MRC2: variants seen among roughly 807,000 people sequenced by gnomAD.
MRC2 encodes the protein mannose receptor C-type 2, also known as C-type mannose receptor 2.
A neutral mutation model predicts 206.2 loss-of-function variants in MRC2; 84 were observed. The ratio of observed to expected loss-of-function variants is 0.41; its 90% CI spans 0.34 to 0.49. The LOEUF is 0.49. MRC2 is among the 20% of genes least tolerant of loss of function. MRC2 has a pLI of 0.31. For synonymous variants in MRC2, 798 were observed against 800.0 expected (o/e 1.00, Z 0.04); for missense variants, 1,676 against 2,001.5 (o/e 0.84, Z 3.10).
Position 62,679,824 on chromosome 17 carries a change from G to A in MRC2, c.2220G>A (p.Glu740=), listed in dbSNP as rs2088938327. 6.2e-7 allele frequency: 1 copy of A among 1,614,028 alleles called. No homozygotes were observed. The highest frequency in any genetic ancestry group is 8.5e-7 in the Non-Finnish European group (1 of 1,180,004). Reference sequence around the variant, plus strand: ...GTGAATCAGAACCCGAGATCCACGAGCAGCACTGGTTCTGGATCGGCCTGA... The same window carrying A: ...GTGAATCAGAACCCGAGATCCACGAACAGCACTGGTTCTGGATCGGCCTGA... The part of the protein sequence containing the change: ...IFGESEPEIH[E]QHWFWIGLNR... Residue 740 remains glutamate (E), a synonymous_variant, in exon 14 of 30, where the codon GAG becomes GAA. Coordinates refer to ENST00000303375, the MANE Select transcript of MRC2 (RefSeq NM_006039.5).
chr17:62,634,174 C>T (rs2088282390), intron 1 of MRC2, among the ~76,000 whole-genome samples: 1 of 152,120 alleles, frequency 6.6e-6, no homozygotes, highest in Admixed American at 6.6e-5. Context: ...CCTTTTTAGA[C>T]CCTATAAGGT....
At chr17:62,635,181 C>G (rs1200984109) in intron 1 of MRC2, among the ~76,000 whole-genome samples, 1 of 135,818 alleles carries the variant, frequency 7.4e-6, no homozygotes, top group Non-Finnish European at 1.5e-5. Context: ...TACTTCATTG[C>G]TATTTTTCTC....
At position 62,672,613 on chromosome 17, in the gene MRC2, C is replaced by T. The variant is rs781280440; in HGVS notation, c.1461+461C>T. Reference sequence around the variant, plus strand: ...CTCAAGAGATTGTTGGGTTTTATGACAATTTGCCATGGTTTGGGCTTAGAT... The same window carrying T: ...CTCAAGAGATTGTTGGGTTTTATGATAATTTGCCATGGTTTGGGCTTAGAT... On this transcript the variant is annotated intron_variant, in intron 8 of 29. Transcript: ENST00000303375. This position sits in a 1 kb window ranked among gnomAD's most constrained non-coding sequence, Gnocchi z 4.5. 2.0e-5 allele frequency among the ~76,000 whole-genome samples: 3 copies of T among 152,128 alleles called. No individual in the cohort carries two copies. Among genetic ancestry groups the T allele is most frequent in the Non-Finnish European group, 2.9e-5 (2 of 68,024 alleles).
intron 1 of MRC2, among the ~76,000 whole-genome samples, chr17:62,643,998 A>G (rs534202664): frequency 6.8e-4 from 104 of 152,350 alleles, no homozygotes; most frequent in Middle Eastern, 6.8e-3. Context: ...ATATGAATAG[A>G]AATATTTTGG....
At chr17:62,674,866 G>A (rs1031904527) in intron 9 of MRC2, among the ~76,000 whole-genome samples, 2 of 152,088 alleles carry the variant, frequency 1.3e-5, no homozygotes, top group Admixed American at 1.3e-4. Flanking sequence ...CTTGGCCCTT[G>A]GCCCCCCCCA....
rs2088719763 is a variant in MRC2, at chr17:62,664,349, T to A, written c.119-199T>A. On this transcript the variant is annotated intron_variant, in intron 1 of 29. Coordinates refer to ENST00000303375, the MANE Select transcript of MRC2 (RefSeq NM_006039.5). The surrounding 1 kb of genome is among the most constrained non-coding windows in gnomAD (Gnocchi z 4.7). ...AGAGGTAGTCCTGCAGGCCTCTGCCTCATCTGGGCACAAGGGCTTAGCACT... is the reference window on the plus strand; with the variant it reads ...AGAGGTAGTCCTGCAGGCCTCTGCCACATCTGGGCACAAGGGCTTAGCACT... 6.6e-6 allele frequency among the ~76,000 whole-genome samples: 1 copy of A among 152,136 alleles called. No homozygotes were observed.
At chr17:62,659,711 C>T (rs1201081173) in intron 1 of MRC2, among the ~76,000 whole-genome samples, 1 of 152,116 alleles carries the variant, frequency 6.6e-6, no homozygotes. Context: ...AGAGAGGAAC[C>T]CCATCCAAGT....
rs2088823845 is a variant in MRC2, at chr17:62,671,396, G to C, written c.1118-253G>C. 6.6e-6 allele frequency among the ~76,000 whole-genome samples: 1 copy of C among 152,166 alleles called. No individual in the cohort carries two copies. Among genetic ancestry groups the C allele is most frequent in the South Asian group, 2.1e-4 (1 of 4,832 alleles). ...CACCCATCGTATTCTGAGAGCCACA[G>C]CCAGAGGAAGTGTTCTGTCCTGGGT... On this transcript the variant is annotated intron_variant, in intron 6 of 29. Transcript: ENST00000303375. This position sits in a 1 kb window ranked among gnomAD's most constrained non-coding sequence, Gnocchi z 4.5.
Position 62,667,317 on chromosome 17 carries a change from T to A in MRC2, c.974-73T>A. ...GAGGGAGCAGAGGGAGGTAGGAGGT[T>A]CTGAGCAGGGCCCCGGGAGCCACGG... On this transcript the variant is annotated intron_variant, in intron 5 of 29. Transcript: ENST00000303375. This position sits in a 1 kb window ranked among gnomAD's most constrained non-coding sequence, Gnocchi z 4.1. 1 of 1,502,604 alleles carries A rather than the reference T, an allele frequency of 6.7e-7. No homozygotes were observed. Among genetic ancestry groups the A allele is most frequent in the African/African-American group, 1.4e-5 (1 of 71,234 alleles). 93.1% of individuals were successfully genotyped at this position (1,502,604 alleles called of 1,614,324 possible).
intron 1 of MRC2, among the ~76,000 whole-genome samples, chr17:62,639,579 C>T (rs1181085039): frequency 6.6e-6 from 1 of 152,084 alleles, no homozygotes; most frequent in Non-Finnish European, 1.5e-5. Flanking sequence ...CATAATTTTA[C>T]TTTTGGTAAT....
intron 1 of MRC2, among the ~76,000 whole-genome samples, chr17:62,648,066 C>T (rs1170839048): frequency 3.9e-5 from 6 of 152,160 alleles, no homozygotes; most frequent in Non-Finnish European, 8.8e-5. Flanking sequence ...AATCTAGAGC[C>T]TGAGTTCTCT....
At position 62,672,252 on chromosome 17, in the gene MRC2, C is replaced by T; in HGVS notation, c.1461+100C>T. The T allele has an allele frequency of 7.1e-7, 1 of 1,415,510 alleles. No individual in the cohort carries two copies. The highest frequency in any genetic ancestry group is 9.8e-7 in the Non-Finnish European group (1 of 1,015,542). 87.7% of individuals were successfully genotyped at this position (1,415,510 alleles called of 1,614,324 possible). ...CATCCTAGTTACTATCAGAACCTGC[C>T]TGGAACCTCTTACCTCTCAGCAGTC... On this transcript the variant is annotated intron_variant, in intron 8 of 29. Coordinates refer to ENST00000303375, the MANE Select transcript of MRC2 (RefSeq NM_006039.5). The surrounding 1 kb of genome is among the most constrained non-coding windows in gnomAD (Gnocchi z 4.5).
chr17:62,662,925 A>G (rs977060922), intron 1 of MRC2, among the ~76,000 whole-genome samples: 2 of 152,212 alleles, frequency 1.3e-5, no homozygotes, highest in Non-Finnish European at 2.9e-5. Flanking sequence ...AGAAACAAAA[A>G]AAAGAAACAA....
At chr17:62,669,424 C>T (rs1336389758) in intron 6 of MRC2, among the ~76,000 whole-genome samples, 1 of 152,178 alleles carries the variant, frequency 6.6e-6, no homozygotes, top group Non-Finnish European at 1.5e-5. Context: ...CCATGTTGGC[C>T]AGGCTGGTCT....
chr17:62,686,941 G>A (rs1387474128), intron 20 of MRC2, among the ~76,000 whole-genome samples: 1 of 152,176 alleles, frequency 6.6e-6, no homozygotes. Context: ...GATGGTGCTG[G>A]AGCTAATTAT....
chr17:62,638,770 TAGCC>T (rs1322338786), intron 1 of MRC2, among the ~76,000 whole-genome samples: 1 of 140,408 alleles, frequency 7.1e-6, no homozygotes, highest in Non-Finnish European at 1.5e-5. Flanking sequence ...AAGAAACAAT[TAGCC>T]AGGCGTGGTG....
chr17:62,633,976 A>G (rs1409288351), intron 1 of MRC2, among the ~76,000 whole-genome samples: 1 of 152,012 alleles, frequency 6.6e-6, no homozygotes, highest in Non-Finnish European at 1.5e-5. Flanking sequence ...TCCATAGGGA[A>G]TAGTGAAAGC....
At chr17:62,665,413 C>CAAAAA (rs533169133) in intron 2 of MRC2, among the ~76,000 whole-genome samples, 1 of 118,376 alleles carries the variant, frequency 8.4e-6, no homozygotes. Context: ...CCCCCCCCCA[C>CAAAAA]AAAAAAAAAA....
rs2088726045 is a variant in MRC2, at chr17:62,664,724, C to T, written c.295C>T (p.Pro99Ser). Residue 99 changes from proline (P) to serine (S), a missense_variant, in exon 2 of 30, where the codon CCA becomes TCA. Coordinates refer to ENST00000303375, the MANE Select transcript of MRC2 (RefSeq NM_006039.5). The surrounding 1 kb of genome is among the most constrained non-coding windows in gnomAD (Gnocchi z 4.7). ...GTMQCLGTGWPGTNTTASLGM... is the reference protein window; with the variant it reads ...GTMQCLGTGWSGTNTTASLGM... ...CATGCAGTGCCTGGGCACAGGCTGG[C>T]CAGGCACCAACACCACGGCCTCCCT... The T allele has an allele frequency of 6.2e-7, 1 of 1,613,854 alleles. No individual in the cohort carries two copies. Among genetic ancestry groups the T allele is most frequent in the South Asian group, 1.1e-5 (1 of 91,092 alleles).
Sources: allele counts gnomAD v4.1 joint callset (sites outside exome capture counted in the v4.1 genomes callset), GRCh38; gene constraint gnomAD v4.1.1; non-coding constraint Gnocchi (gnomAD v3.1); transcripts MANE v1.5; gene names NCBI Gene and HGNC (gene_info 2026-07-23, HGNC 2026-07-21).